The following ADAMTSL1 variants were observed in gnomAD, a reference collection of about 807,000 sequenced individuals.
ADAMTSL1 encodes the protein ADAMTS-like protein 1.
Under a neutral mutation model 201.8 loss-of-function variants are expected in ADAMTSL1, and 126 were observed. The ratio of observed to expected loss-of-function variants is 0.62; its 90% CI spans 0.54 to 0.72. The LOEUF is 0.72. Among genes scored for constraint, ADAMTSL1 ranks in the 30% least tolerant of loss-of-function variants. The pLI is 0.00. For missense variants in ADAMTSL1, 2,679 were observed against 2,277.8 expected (o/e 1.18, Z -3.59); for synonymous variants, 1,121 against 903.4 (o/e 1.24, Z -4.32).
chr9:18,195,216 A>C (rs561008343), intron 2 of ADAMTSL1, among the ~76,000 whole-genome samples: 2 of 152,246 alleles, frequency 1.3e-5, no homozygotes, highest in South Asian at 4.1e-4. Flanking sequence ...CTAGTTCTTC[A>C]ATGGAAGTGG....
chr9:18,768,098 A>G (rs919780191), intron 16 of ADAMTSL1, among the ~76,000 whole-genome samples: 1 of 152,214 alleles, frequency 6.6e-6, no homozygotes, highest in Non-Finnish European at 1.5e-5. Context: ...CTACTCTCCA[A>G]CCTGAATCAT....
chr9:18,758,056 G>A (rs77865256), intron 16 of ADAMTSL1, among the ~76,000 whole-genome samples: 4,633 of 152,284 alleles, frequency 0.03, 110 homozygotes, highest in Non-Finnish European at 0.046. Flanking sequence ...CTGAAGTATT[G>A]TGAGCTTAAT....
intron 1 of ADAMTSL1, among the ~76,000 whole-genome samples, chr9:17,948,608 A>G (rs1281549096): frequency 6.6e-6 from 1 of 152,214 alleles, no homozygotes; most frequent in East Asian, 1.9e-4. Context: ...TAGTTTCTAG[A>G]TTTAACCACG....
rs751594430 is a variant in ADAMTSL1, at chr9:18,777,428, C to G, written c.3199C>G (p.Leu1067Val). ...DPGAEQVLLHLPFTMVTEQRR... is the reference protein window; with the variant it reads ...DPGAEQVLLHVPFTMVTEQRR... Reference sequence around the variant, plus strand: ...GGGTGCAGAGCAAGTGCTCCTGCACCTGCCCTTCACCATGGTGACCGAGCA... The same window carrying G: ...GGGTGCAGAGCAAGTGCTCCTGCACGTGCCCTTCACCATGGTGACCGAGCA... The change falls in exon 19 of 29, where the codon CTG (leucine) becomes GTG (valine). Residue 1067 changes from leucine (L) to valine (V), a missense_variant. Leu to Val is a conservative substitution (Grantham distance 32). Transcript: ENST00000380548. The G allele has an allele frequency of 2.9e-5, 47 of 1,599,860 alleles. No homozygotes were observed. The highest frequency in any genetic ancestry group is 3.3e-5 in the Non-Finnish European group (39 of 1,173,780).
rs150997807 is a variant in ADAMTSL1 at position 18,736,982 on chromosome 9, C to G, written c.2006+15317C>G. On this transcript the variant is annotated intron_variant, in intron 15 of 28. Transcript: ENST00000380548. ...ATTTTCTGAATATCAAATGTGCCCACTTGTCCACATAGAACTCTCTCTGCC... is the reference window on the plus strand; with the variant it reads ...ATTTTCTGAATATCAAATGTGCCCAGTTGTCCACATAGAACTCTCTCTGCC... Among the ~76,000 whole-genome samples the G allele has an allele frequency of 4.6e-5, 7 of 152,252 alleles. No individual in the cohort carries two copies. The East Asian group carries it at 1.4e-3, about 29-fold the overall frequency.
At chr9:18,498,708 T>C (rs1303168517) in intron 1 of ADAMTSL1, among the ~76,000 whole-genome samples, 1 of 152,350 alleles carries the variant, frequency 6.6e-6, no homozygotes, top group Middle Eastern at 3.4e-3. Flanking sequence ...TACCAGTATA[T>C]GACTAGGAAA....
chr9:18,153,048 G>GA (rs35287497), intron 1 of ADAMTSL1, among the ~76,000 whole-genome samples: 6 of 151,742 alleles, frequency 4.0e-5, no homozygotes, highest in Non-Finnish European at 8.8e-5. Context: ...GCATGAAGTA[G>GA]AAAAAAAAGC....
chr9:18,337,121 C>T (rs1214299852), intron 2 of ADAMTSL1, among the ~76,000 whole-genome samples: 2 of 152,088 alleles, frequency 1.3e-5, no homozygotes, highest in African/African-American at 2.4e-5. Flanking sequence ...CAGACCCACC[C>T]TCAATCTGGG....
intron 23 of ADAMTSL1, among the ~76,000 whole-genome samples, chr9:18,840,386 T>C (rs1245541537): frequency 2.6e-5 from 4 of 152,210 alleles, no homozygotes; most frequent in Admixed American, 1.3e-4. Flanking sequence ...TTCTGTTCCA[T>C]TGATCTATAT....
chr9:18,393,485 C>T (rs1032468825), intron 2 of ADAMTSL1, among the ~76,000 whole-genome samples: 2 of 152,148 alleles, frequency 1.3e-5, no homozygotes, highest in African/African-American at 4.8e-5. Flanking sequence ...GGATAATTGG[C>T]TCCCTTAGAG....
intron 1 of ADAMTSL1, among the ~76,000 whole-genome samples, chr9:18,481,015 A>G (rs1420987273): frequency 1.3e-5 from 2 of 152,194 alleles, no homozygotes; most frequent in African/African-American, 4.8e-5. Context: ...GAAGGCGAAT[A>G]TAACAGAAAA....
At chr9:18,739,142 C>G (rs572293329) in intron 15 of ADAMTSL1, among the ~76,000 whole-genome samples, 43 of 152,296 alleles carry the variant, frequency 2.8e-4, no homozygotes, top group African/African-American at 1.0e-3. Flanking sequence ...ATGTGAAGTT[C>G]TTACAGCAGT....
Position 18,206,053 on chromosome 9 carries a change from C to CAA in ADAMTSL1, c.207+42103_207+42104dup, listed in dbSNP as rs71333031. 3.3e-3 allele frequency among the ~76,000 whole-genome samples: 178 copies of CAA among 54,352 alleles called. 2 individuals are homozygous for CAA. The highest frequency in any genetic ancestry group is 3.8e-3 in the Non-Finnish European group (127 of 33,604). 35.7% of individuals were successfully genotyped at this position (54,352 alleles called of 152,430 possible). A position where few individuals can be genotyped will look rare whatever the true frequency, so the allele number is the denominator to read the frequency against. ...TGGGCAACAAAGTGAGACTCCATCTCAAAAAAAAAAAAAAAAAAAAAAAAA... is the reference window on the plus strand; with the variant it reads ...TGGGCAACAAAGTGAGACTCCATCTCAAAAAAAAAAAAAAAAAAAAAAAAAAA... On this transcript the variant is annotated intron_variant, in intron 2 of 29. Transcript: ENST00000680146.
At chr9:18,819,161 A>T (rs929072923) in intron 21 of ADAMTSL1, among the ~76,000 whole-genome samples, 24 of 152,154 alleles carry the variant, frequency 1.6e-4, no homozygotes, top group Non-Finnish European at 3.2e-4. Context: ...TAGGAGTAAA[A>T]GAATAGGGGA....
At chr9:18,877,368 G>A (rs1390492534) in intron 23 of ADAMTSL1, among the ~76,000 whole-genome samples, 2 of 152,120 alleles carry the variant, frequency 1.3e-5, no homozygotes, top group Non-Finnish European at 2.9e-5. Flanking sequence ...TATGTCAGAG[G>A]GAAGATCTGG....
intron 14 of ADAMTSL1, among the ~76,000 whole-genome samples, chr9:18,714,013 G>A (rs1190679701): frequency 1.3e-5 from 2 of 150,554 alleles, no homozygotes; most frequent in African/African-American, 2.4e-5. Flanking sequence ...GGTACATAAC[G>A]AAATGAAGGC....
At chr9:18,048,720 A>C (rs1464303521) in intron 1 of ADAMTSL1, among the ~76,000 whole-genome samples, 1 of 152,190 alleles carries the variant, frequency 6.6e-6, no homozygotes, top group African/African-American at 2.4e-5. Context: ...AGACATCGTG[A>C]GTTGCTTTCC....
At chr9:18,383,800 G>A (rs749450857) in intron 2 of ADAMTSL1, among the ~76,000 whole-genome samples, 1 of 152,180 alleles carries the variant, frequency 6.6e-6, no homozygotes, top group Non-Finnish European at 1.5e-5. Context: ...CTCAGGTATG[G>A]AGGAAAAATG....
chr9:18,846,051 G>A (rs538815407), intron 23 of ADAMTSL1, among the ~76,000 whole-genome samples: 2 of 152,188 alleles, frequency 1.3e-5, no homozygotes, highest in East Asian at 3.8e-4. Flanking sequence ...GCCAAACAGT[G>A]TACTGTGAGC....
Sources: gnomAD v4.1 joint callset for allele counts (sites outside exome capture counted in the v4.1 genomes callset) on GRCh38, gnomAD v4.1.1 for gene constraint, MANE v1.5 for transcripts, NCBI Gene and HGNC (gene_info 2026-07-23, HGNC 2026-07-21) for gene names.